The following CFAP299 variants were observed in gnomAD, a reference collection of about 807,000 sequenced individuals.
CFAP299 encodes the protein cilia and flagella associated protein 299.
A neutral mutation model predicts 27.0 loss-of-function variants in CFAP299; 21 were observed. The ratio of observed to expected loss-of-function variants is 0.78; its 90% CI spans 0.55 to 1.12. CFAP299 has a LOEUF of 1.12. Among genes scored for constraint, CFAP299 ranks in the 50% most tolerant of loss-of-function variants. The pLI is 0.00. For synonymous variants in CFAP299, 104 were observed against 98.1 expected (o/e 1.06, Z -0.36); for missense variants, 310 against 276.6 (o/e 1.12, Z -0.86).
rs567285817 is a variant in CFAP299, at chr4:80,870,109, A to C, written c.450A>C (p.Arg150Ser). 1.2e-6 allele frequency: 2 copies of C among 1,612,800 alleles called. No homozygotes were observed. Among genetic ancestry groups the C allele is most frequent in the African/African-American group, 2.7e-5 (2 of 74,802 alleles). Residue 150 changes from arginine to serine, a missense_variant, in exon 4 of 6, where the codon AGA becomes AGC. Transcript: ENST00000358105. The part of the protein sequence containing the change: ...DFEVYFTGKK[R>S]LLPRPTDISF... Reference sequence around the variant, plus strand: ...AAGTCTACTTTACTGGAAAAAAAAGACTTCTTCCAAGGCCTACAGATATAA... The same window carrying C: ...AAGTCTACTTTACTGGAAAAAAAAGCCTTCTTCCAAGGCCTACAGATATAA...
chr4:80,386,782 G>A, intron 2 of CFAP299: 4 of 1,228,860 alleles, frequency 3.3e-6, no homozygotes, highest in Non-Finnish European at 4.8e-6. Flanking sequence ...ACAACTTACC[G>A]CAGCTTGTGT....
intron 3 of CFAP299, among the ~76,000 whole-genome samples, chr4:80,822,681 A>C (rs1287235337): frequency 6.6e-6 from 1 of 152,174 alleles, no homozygotes; most frequent in Non-Finnish European, 1.5e-5. Context: ...ATTGAACCCA[A>C]AGTTGTAACA....
At chr4:80,468,153 A>T (rs1015532848) in intron 2 of CFAP299, among the ~76,000 whole-genome samples, 2 of 152,126 alleles carry the variant, frequency 1.3e-5, no homozygotes, top group African/African-American at 4.8e-5. Context: ...CCTTAAATGT[A>T]ATCCGGATTT....
the CFAP299 span, among the ~76,000 whole-genome samples, chr4:80,330,326 G>T: frequency 6.6e-6 from 1 of 152,186 alleles, no homozygotes; most frequent in East Asian, 1.9e-4. Flanking sequence ...TCACGTCTTT[G>T]CAAACACTTC....
chr4:80,662,378 A>G (rs1740896126), intron 3 of CFAP299, among the ~76,000 whole-genome samples: 1 of 148,972 alleles, frequency 6.7e-6, no homozygotes, highest in African/African-American at 2.5e-5. Flanking sequence ...ATGGAAAAGA[A>G]CCTATGTGAA....
At chr4:80,845,990 T>G (rs1163115728) in intron 3 of CFAP299, among the ~76,000 whole-genome samples, 1 of 152,196 alleles carries the variant, frequency 6.6e-6, no homozygotes, top group African/African-American at 2.4e-5. Context: ...CTCTTTTCTA[T>G]AGTTCACTTA....
chr4:80,658,846 T>G (rs895635592), intron 3 of CFAP299, among the ~76,000 whole-genome samples: 8 of 152,122 alleles, frequency 5.3e-5, no homozygotes, highest in Non-Finnish European at 1.0e-4. Flanking sequence ...ATAGACAAGA[T>G]GGAAGCTGAA....
intron 3 of CFAP299, among the ~76,000 whole-genome samples, chr4:80,602,728 A>G (rs1037115957): frequency 2.0e-5 from 3 of 152,058 alleles, no homozygotes; most frequent in African/African-American, 4.8e-5. Context: ...TCTGGGGCCC[A>G]GAGGCTTCCA....
intron 2 of CFAP299, among the ~76,000 whole-genome samples, chr4:80,366,973 A>T (rs1156350667): frequency 6.6e-6 from 1 of 152,230 alleles, no homozygotes; most frequent in African/African-American, 2.4e-5. Context: ...TTACTGCATG[A>T]TACCATTTAT....
intron 3 of CFAP299, among the ~76,000 whole-genome samples, chr4:80,722,225 C>G (rs574703159): frequency 6.6e-6 from 1 of 152,012 alleles, no homozygotes; most frequent in Non-Finnish European, 1.5e-5. Context: ...CAAGACCAGC[C>G]TGACCAACAT....
intron 2 of CFAP299, among the ~76,000 whole-genome samples, chr4:80,380,421 CATTT>C (rs1429870832): frequency 1.5e-3 from 166 of 109,096 alleles, no homozygotes; most frequent in African/African-American, 5.4e-3. Context: ...TTGTGTCTCA[CATTT>C]TTTTTTTTTT....
chr4:80,387,756 G>T, intron 2 of CFAP299: 1 of 1,588,236 alleles, frequency 6.3e-7, no homozygotes, highest in Non-Finnish European at 8.6e-7. Context: ...GCTGCAGGTC[G>T]AAGTTTTTGG....
intron 2 of CFAP299, among the ~76,000 whole-genome samples, chr4:80,553,615 CT>C (rs1490703235): frequency 2.0e-5 from 3 of 152,162 alleles, no homozygotes. Context: ...CTAATTTGCA[CT>C]GCCACCAACA....
intron 2 of CFAP299, among the ~76,000 whole-genome samples, chr4:80,443,885 TA>T: frequency 6.6e-6 from 1 of 152,148 alleles, no homozygotes; most frequent in East Asian, 1.9e-4. Context: ...TACACACCAG[TA>T]ATAGACAAAC....
Position 80,390,786 on chromosome 4 carries a change from C to CACATATGT in CFAP299, c.242+27903_242+27904insCATATGTA, listed in dbSNP as rs1560543689. Among the ~76,000 whole-genome samples, 3 of 138,996 alleles carry CACATATGT rather than the reference C, an allele frequency of 2.2e-5. No homozygotes were observed. In the East Asian group the frequency reaches 6.2e-4, roughly 29 times the overall value. 91.2% of individuals were successfully genotyped at this position (138,996 alleles called of 152,430 possible). A position where few individuals can be genotyped will look rare whatever the true frequency, so the allele number is the denominator to read the frequency against. On this transcript the variant is annotated intron_variant, in intron 2 of 5. Transcript: ENST00000358105. ...GTATATATGTATATATACATATACA[C>CACATATGT]ATATATGTATATGTATATATGTATA...
rs542324987 is a variant in CFAP299 at position 80,817,179 on chromosome 4, T to C, written c.334-52814T>C. Among the ~76,000 whole-genome samples the C allele has an allele frequency of 2.6e-5, 4 of 152,208 alleles. No homozygotes were observed. In the East Asian group the frequency reaches 7.7e-4, roughly 29 times the overall value. ...TATCCCCTTTGCCTCAATTAGGACA[T>C]CTCTGAAGGCCATCCCAACTCCACA... On this transcript the variant is annotated intron_variant, in intron 3 of 5. Transcript: ENST00000358105.
intron 5 of CFAP299, among the ~76,000 whole-genome samples, chr4:80,949,606 G>T (rs550115112): frequency 6.6e-6 from 1 of 151,654 alleles, no homozygotes; most frequent in South Asian, 2.1e-4. Flanking sequence ...GAACTAGAGA[G>T]GGGGAGAATC....
chr4:80,845,237 A>G (rs1007148326), intron 3 of CFAP299, among the ~76,000 whole-genome samples: 3 of 148,854 alleles, frequency 2.0e-5, no homozygotes, highest in Non-Finnish European at 4.4e-5. Flanking sequence ...TGGTTTTATC[A>G]TGCATCCTCA....
intron 2 of CFAP299, among the ~76,000 whole-genome samples, chr4:80,508,365 C>T (rs1732133423): frequency 6.6e-6 from 1 of 152,076 alleles, no homozygotes; most frequent in Non-Finnish European, 1.5e-5. Context: ...TTACAACCAA[C>T]TCTGTGGGAT....
Sources: gnomAD v4.1 joint callset for allele counts (sites outside exome capture counted in the v4.1 genomes callset) on GRCh38, gnomAD v4.1.1 for gene constraint, MANE v1.5 for transcripts, NCBI Gene and HGNC (gene_info 2026-07-23, HGNC 2026-07-21) for gene names.